GPC6: variants seen among roughly 807,000 people sequenced by gnomAD.
GPC6 encodes the protein glypican 6.
Under a neutral mutation model 55.2 loss-of-function variants are expected in GPC6, and 14 were observed. The ratio of observed to expected loss-of-function variants is 0.25; its 90% CI spans 0.17 to 0.40. The LOEUF (loss-of-function observed/expected upper bound fraction) is 0.40, where lower values mean the gene tolerates loss of function less well. GPC6 is among the 10% of genes least tolerant of loss of function. The probability of loss-of-function intolerance (pLI) is 1.00; values close to 1 mark genes in which losing one functional copy is unlikely to be tolerated. For missense variants in GPC6, 641 were observed against 708.5 expected (o/e 0.90, Z 1.08); for synonymous variants, 278 against 259.6 (o/e 1.07, Z -0.68).
intron 3 of GPC6, among the ~76,000 whole-genome samples, chr13:93,883,187 T>A (rs1018548449): frequency 5.3e-5 from 8 of 151,052 alleles, no homozygotes; most frequent in East Asian, 1.9e-4. Flanking sequence ...AAATAATGCA[T>A]GATCAATAGT....
At chr13:94,328,334 T>C (rs1008565796) in intron 6 of GPC6, among the ~76,000 whole-genome samples, 11 of 152,226 alleles carry the variant, frequency 7.2e-5, no homozygotes, top group Non-Finnish European at 1.6e-4. Context: ...GATGCCAATG[T>C]GTTCAATGCA....
intron 2 of GPC6, among the ~76,000 whole-genome samples, chr13:93,599,051 C>CTT (rs1368090949): frequency 6.6e-6 from 1 of 152,094 alleles, no homozygotes; most frequent in Admixed American, 6.6e-5. Flanking sequence ...CTTTAGAAAT[C>CTT]TTTGAGTGCA....
intron 2 of GPC6, among the ~76,000 whole-genome samples, chr13:93,749,957 T>C (rs1254555203): frequency 2.0e-5 from 3 of 152,152 alleles, no homozygotes; most frequent in Non-Finnish European, 4.4e-5. Flanking sequence ...ATTTGAGTAA[T>C]AGCATTTTAT....
At chr13:93,901,762 G>A (rs911894538) in intron 3 of GPC6, among the ~76,000 whole-genome samples, 13 of 151,744 alleles carry the variant, frequency 8.6e-5, no homozygotes, top group African/African-American at 1.5e-4. Context: ...GTAGCCGGGC[G>A]TGGTAGTGCG....
intron 4 of GPC6, among the ~76,000 whole-genome samples, chr13:94,202,129 A>T (rs1352050232): frequency 1.3e-5 from 2 of 152,136 alleles, no homozygotes. Context: ...CCTCAAATGG[A>T]TCATAAATTC....
chr13:93,302,772 C>T (rs1054497254), intron 1 of GPC6, among the ~76,000 whole-genome samples: 2 of 152,090 alleles, frequency 1.3e-5, no homozygotes, highest in Non-Finnish European at 2.9e-5. Context: ...CAAGGCATAG[C>T]ATTTGGTGAG....
chr13:94,186,006 G>A (rs1440284230), intron 4 of GPC6, among the ~76,000 whole-genome samples: 1 of 122,494 alleles, frequency 8.2e-6, no homozygotes, highest in Admixed American at 1.1e-4. Flanking sequence ...CTTACAGTGA[G>A]CCGAGATCGC....
intron 3 of GPC6, among the ~76,000 whole-genome samples, chr13:93,952,862 ATG>A (rs1879323329): frequency 6.4e-5 from 7 of 108,760 alleles, no homozygotes; most frequent in Non-Finnish European, 1.3e-4. Context: ...ACGTATATAT[ATG>A]TATATATATA....
chr13:93,252,892 A>G (rs1479590323), intron 1 of GPC6, among the ~76,000 whole-genome samples: 1 of 152,232 alleles, frequency 6.6e-6, no homozygotes, highest in Non-Finnish European at 1.5e-5. Flanking sequence ...TAATGTAGAG[A>G]CACCCTTATA....
intron 3 of GPC6, among the ~76,000 whole-genome samples, chr13:93,898,940 AAT>A (rs66531953): frequency 0.23 from 31,317 of 136,452 alleles, 3,657 homozygotes; most frequent in Middle Eastern, 0.27. Context: ...ATTATATATA[AAT>A]ATATATATAT....
intron 1 of GPC6, among the ~76,000 whole-genome samples, chr13:93,447,839 A>G (rs1454057793): frequency 1.3e-5 from 2 of 152,158 alleles, no homozygotes; most frequent in African/African-American, 4.8e-5. Context: ...ACCTCTCATC[A>G]TTATCAAAGG....
chr13:93,380,501 G>T (rs1436656389), intron 1 of GPC6, among the ~76,000 whole-genome samples: 1 of 152,142 alleles, frequency 6.6e-6, no homozygotes, highest in Non-Finnish European at 1.5e-5. Flanking sequence ...TGTTTTCAAA[G>T]ATCTAGAGAA....
intron 1 of GPC6, among the ~76,000 whole-genome samples, chr13:93,353,591 A>G (rs1266250373): frequency 6.6e-6 from 1 of 152,222 alleles, no homozygotes; most frequent in Non-Finnish European, 1.5e-5. Context: ...CAGCAGATAA[A>G]TGAAGAACAA....
At chr13:93,291,216 G>C (rs1343168956) in intron 1 of GPC6, among the ~76,000 whole-genome samples, 3 of 152,118 alleles carry the variant, frequency 2.0e-5, no homozygotes, top group Non-Finnish European at 4.4e-5. Context: ...TCCACATCTT[G>C]ATGGCCAGAC....
chr13:94,156,794 G>A (rs1010134214), intron 4 of GPC6, among the ~76,000 whole-genome samples: 9 of 152,140 alleles, frequency 5.9e-5, no homozygotes, highest in African/African-American at 2.2e-4. Context: ...AATATACATA[G>A]TTCTCATTTA....
At chr13:94,260,485 GTCTT>G in intron 4 of GPC6, among the ~76,000 whole-genome samples, 1 of 152,232 alleles carries the variant, frequency 6.6e-6, no homozygotes, top group African/African-American at 2.4e-5. Flanking sequence ...TTCTCCCTGT[GTCTT>G]TCTGTGGTCT....
chr13:93,743,386 A>G (rs1048307431), intron 2 of GPC6, among the ~76,000 whole-genome samples: 1 of 152,206 alleles, frequency 6.6e-6, no homozygotes, highest in East Asian at 1.9e-4. Context: ...AATGTGGCCA[A>G]TACTATTCAT....
chr13:93,591,765 A>G (rs1043453469), intron 2 of GPC6, among the ~76,000 whole-genome samples: 1 of 152,178 alleles, frequency 6.6e-6, no homozygotes, highest in Non-Finnish European at 1.5e-5. Flanking sequence ...TCTATATGAG[A>G]TCAAAAAAGA....
intron 6 of GPC6, among the ~76,000 whole-genome samples, chr13:94,367,401 C>T (rs904785236): frequency 2.6e-5 from 4 of 152,270 alleles, no homozygotes; most frequent in Admixed American, 6.5e-5. Flanking sequence ...CTCTCAAGGA[C>T]GTATAGGATG....
Sources: allele counts gnomAD v4.1 joint callset (sites outside exome capture counted in the v4.1 genomes callset), GRCh38; gene constraint gnomAD v4.1.1; transcripts MANE v1.5; gene names NCBI Gene and HGNC (gene_info 2026-07-23, HGNC 2026-07-21).